Variants in ADGRL2 observed in about 807,000 individuals in gnomAD.
ADGRL2 encodes the protein calcium-independent alpha-latrotoxin receptor 2.
Under a neutral mutation model 157.4 loss-of-function variants are expected in ADGRL2, and 44 were observed. That is an observed-to-expected ratio of 0.28 (90% confidence interval 0.22 to 0.36). The LOEUF (loss-of-function observed/expected upper bound fraction) is 0.36, where lower values mean the gene tolerates loss of function less well. ADGRL2 is among the 10% of genes least tolerant of loss of function. ADGRL2 has a pLI of 1.00. For missense variants in ADGRL2, 1,510 were observed against 1,768.9 expected (o/e 0.85, Z 2.63); for synonymous variants, 585 against 624.7 (o/e 0.94, Z 0.95).
chr1:81,636,330 T>C (rs976871224), intron 3 of ADGRL2, among the ~76,000 whole-genome samples: 1 of 152,178 alleles, frequency 6.6e-6, no homozygotes, highest in Non-Finnish European at 1.5e-5. Flanking sequence ...ATTTAAATCA[T>C]TTACTTTTTA....
chr1:81,861,852 C>T (rs555908719), intron 2 of ADGRL2, among the ~76,000 whole-genome samples: 5 of 151,348 alleles, frequency 3.3e-5, no homozygotes, highest in South Asian at 2.1e-4. Flanking sequence ...CACCACACTC[C>T]AGCCAGGGCA....
At chr1:81,425,361 G>T (rs1036079628) in intron 1 of ADGRL2, among the ~76,000 whole-genome samples, 1 of 151,762 alleles carries the variant, frequency 6.6e-6, no homozygotes. Flanking sequence ...GTAGCTAACT[G>T]TTACTACTAC....
chr1:81,331,026 G>A (rs1383037585), intron 1 of ADGRL2, among the ~76,000 whole-genome samples: 3 of 152,102 alleles, frequency 2.0e-5, no homozygotes, highest in Non-Finnish European at 4.4e-5. Context: ...ATATTTGCAT[G>A]CCCCATAGTG....
Position 81,641,811 on chromosome 1 carries a change from G to T in ADGRL2, c.-143+60831G>T, listed in dbSNP as rs541628311. Among the ~76,000 whole-genome samples, 161 of 152,026 alleles carry T rather than the reference G, an allele frequency of 1.1e-3. 2 individuals are homozygous for T. The highest frequency in any genetic ancestry group is 3.7e-3 in the African/African-American group (153 of 41,492). On this transcript the variant is annotated intron_variant, in intron 3 of 24. Transcript: ENST00000370721. ...CAAATGAAATCCAAAGTAGGCAGAAGAAATGAAATAATAAGCATTAGAGCA... is the reference window on the plus strand; with the variant it reads ...CAAATGAAATCCAAAGTAGGCAGAATAAATGAAATAATAAGCATTAGAGCA...
rs577545962 is a variant in ADGRL2 at position 81,472,646 on chromosome 1, G to A, written c.-248+27557G>A. On this transcript the variant is annotated intron_variant, in intron 2 of 24. Coordinates refer to the ADGRL2 transcript ENST00000370721. ...GCAAGACTCTGAAAAAAAAGGAAAG[G>A]AAAGGAAAGGGAAAGGGAAAGGAAT... Among the ~76,000 whole-genome samples, 619 of 152,110 alleles carry A rather than the reference G, an allele frequency of 4.1e-3. 2 individuals are homozygous for A. Among genetic ancestry groups the A allele is most frequent in the Non-Finnish European group, 6.0e-3 (408 of 67,970 alleles).
chr1:81,609,071 G>A (rs919593789), intron 3 of ADGRL2, among the ~76,000 whole-genome samples: 8 of 150,358 alleles, frequency 5.3e-5, no homozygotes, highest in African/African-American at 7.4e-5. Context: ...CAGAGTTCTC[G>A]CTCTGTCACC....
chr1:81,907,098 C>T lies in ADGRL2; in HGVS notation c.155C>T (p.Pro52Leu), dbSNP rs2094598715. 2.5e-6 allele frequency: 4 copies of T among 1,613,838 alleles called. No homozygotes were observed. Among genetic ancestry groups the T allele is most frequent in the Non-Finnish European group, 3.4e-6 (4 of 1,179,970 alleles). ...GGTTATTCTATAGATCTGCGATGCC[C>T]GGGCAGTGATGTCATCATGATTGAG... Reference protein sequence around the residue: ...CEGYSIDLRCPGSDVIMIESA... With the variant: ...CEGYSIDLRCLGSDVIMIESA... Residue 52 changes from proline to leucine, a missense_variant, in exon 3 of 24, where the codon CCG becomes CTG. By Grantham distance (98) the Pro-to-Leu change is moderately conservative (BLOSUM62 -3). Transcript: ENST00000686636.
intron 1 of ADGRL2, among the ~76,000 whole-genome samples, chr1:81,813,130 G>A (rs1030808901): frequency 1.3e-5 from 2 of 151,608 alleles, no homozygotes; most frequent in South Asian, 4.2e-4. Flanking sequence ...TTTAATGATA[G>A]GATATTATAT....
upstream of ADGRL2, among the ~76,000 whole-genome samples, chr1:81,697,517 G>A (rs137966156): frequency 1.7e-3 from 264 of 152,282 alleles, 3 homozygotes; most frequent in African/African-American, 6.1e-3. Context: ...TTGCCAGGCT[G>A]TGTGCTTTTT....
At chr1:81,782,445 T>TA in intron 2 of ADGRL2, among the ~76,000 whole-genome samples, 1 of 152,308 alleles carries the variant, frequency 6.6e-6, no homozygotes, top group African/African-American at 2.4e-5. Context: ...GGATATACTT[T>TA]AAAAAATTAA....
chr1:81,716,409 G>A (rs888466647), intron 1 of ADGRL2, among the ~76,000 whole-genome samples: 4 of 152,166 alleles, frequency 2.6e-5, no homozygotes, highest in Non-Finnish European at 4.4e-5. Context: ...AAAGCATCTA[G>A]TACAGGGCCT....
At chr1:81,490,412 A>G (rs1160046359) in intron 2 of ADGRL2, among the ~76,000 whole-genome samples, 1 of 152,124 alleles carries the variant, frequency 6.6e-6, no homozygotes, top group Non-Finnish European at 1.5e-5. Context: ...GATTACAGGC[A>G]TGAGCCACCA....
chr1:81,524,126 C>G (rs577289054), intron 2 of ADGRL2, among the ~76,000 whole-genome samples: 4 of 151,858 alleles, frequency 2.6e-5, no homozygotes, highest in Non-Finnish European at 4.4e-5. Context: ...TTTGGGAGGC[C>G]GAGGCGGTTG....
intron 2 of ADGRL2, among the ~76,000 whole-genome samples, chr1:81,562,119 G>A (rs998300655): frequency 6.6e-6 from 1 of 152,112 alleles, no homozygotes; most frequent in African/African-American, 2.4e-5. Flanking sequence ...CATAGTTCTG[G>A]TTGCAAGGAG....
intron 1 of ADGRL2, among the ~76,000 whole-genome samples, chr1:81,802,690 C>G (rs758584028): frequency 6.6e-6 from 1 of 152,094 alleles, no homozygotes; most frequent in Non-Finnish European, 1.5e-5. Flanking sequence ...CGCTGGGGCC[C>G]GGGGCCACCC....
chr1:81,947,340 C>T (rs1316711204), intron 6 of ADGRL2, among the ~76,000 whole-genome samples: 1 of 152,102 alleles, frequency 6.6e-6, no homozygotes, highest in Non-Finnish European at 1.5e-5. Flanking sequence ...CACAGAACAC[C>T]ATGTCAGTTA....
chr1:81,637,848 G>A (rs1308425538), intron 3 of ADGRL2, among the ~76,000 whole-genome samples: 2 of 151,780 alleles, frequency 1.3e-5, no homozygotes, highest in East Asian at 3.9e-4. Context: ...TTAAAATTCA[G>A]CGTACCATAC....
chr1:81,719,159 G>T (rs761754240), intron 1 of ADGRL2, among the ~76,000 whole-genome samples: 9 of 152,218 alleles, frequency 5.9e-5, no homozygotes, highest in African/African-American at 9.6e-5. Flanking sequence ...TTTAAACCTT[G>T]CCTCATGGCA....
chr1:81,613,198 C>T (rs1181950987), intron 3 of ADGRL2, among the ~76,000 whole-genome samples: 1 of 152,154 alleles, frequency 6.6e-6, no homozygotes, highest in African/African-American at 2.4e-5. Flanking sequence ...TTTTACTTGT[C>T]TCCTATGGTT....
Sources: gnomAD v4.1 joint callset for allele counts (sites outside exome capture counted in the v4.1 genomes callset) on GRCh38, gnomAD v4.1.1 for gene constraint, MANE v1.5 for transcripts, NCBI Gene and HGNC (gene_info 2026-07-23, HGNC 2026-07-21) for gene names.